The following POPDC1 variants were observed in gnomAD, a reference collection of about 807,000 sequenced individuals.
The protein encoded by POPDC1 is popeye domain cAMP effector 1.
chr6:105,098,267 A>T, the POPDC1 span: 1 of 152,204 alleles, frequency 6.6e-6, no homozygotes, highest in African/African-American at 2.4e-5. Flanking sequence ...TACACTTAAA[A>T]CACTTTTCTG....
chr6:105,121,543 C>T, the POPDC1 span, among the ~76,000 whole-genome samples: 3 of 152,160 alleles, frequency 2.0e-5, no homozygotes, highest in African/African-American at 7.2e-5. Flanking sequence ...GCCGGGATTA[C>T]AGGTGTGGGC....
chr6:105,115,593 G>A, the POPDC1 span: 1 of 1,445,794 alleles, frequency 6.9e-7, no homozygotes. Context: ...ATAGTTACCT[G>A]CAAAGTTATT....
At chr6:105,123,409 G>GTTT in the POPDC1 span, among the ~76,000 whole-genome samples, 2 of 150,850 alleles carry the variant, frequency 1.3e-5, no homozygotes, top group African/African-American at 4.9e-5. Context: ...GTTGTTGTTT[G>GTTT]TTTTTTTTTG....
chr6:105,134,675 A>T, the POPDC1 span, among the ~76,000 whole-genome samples: 1 of 152,206 alleles, frequency 6.6e-6, no homozygotes, highest in South Asian at 2.1e-4. Context: ...TTTTGAAAGG[A>T]TGTTAACAGA....
the POPDC1 span, chr6:105,125,654 T>C: frequency 1.4e-6 from 2 of 1,417,990 alleles, no homozygotes; most frequent in African/African-American, 1.4e-5. Flanking sequence ...GGTCTAAATA[T>C]GGTTTTGATA....
At chr6:105,099,927 C>T in the POPDC1 span, 1 of 152,224 alleles carries the variant, frequency 6.6e-6, no homozygotes, top group Non-Finnish European at 1.5e-5. Context: ...TTTCCCACAC[C>T]AGAGTGTGCA....
chr6:105,126,348 C>T, the POPDC1 span, among the ~76,000 whole-genome samples: 1 of 151,896 alleles, frequency 6.6e-6, no homozygotes, highest in South Asian at 2.1e-4. Flanking sequence ...GGGAGGATTA[C>T]TTGAGCCCAG....
the POPDC1 span, among the ~76,000 whole-genome samples, chr6:105,103,571 A>C: frequency 6.6e-6 from 1 of 152,368 alleles, no homozygotes; most frequent in Non-Finnish European, 1.5e-5. Context: ...CAATGAGACA[A>C]AACTCTCAGA....
chr6:105,131,879 T>C, the POPDC1 span, among the ~76,000 whole-genome samples: 3 of 152,048 alleles, frequency 2.0e-5, no homozygotes, highest in African/African-American at 7.2e-5. Flanking sequence ...ACTGCTGTAA[T>C]CCTCACCTTA....
At chr6:105,116,901 T>C in the POPDC1 span, 1 of 1,587,832 alleles carries the variant, frequency 6.3e-7, no homozygotes. Flanking sequence ...AAGAATAAAG[T>C]ACATCTATGT....
At chr6:105,128,584 AAC>A in the POPDC1 span, among the ~76,000 whole-genome samples, 1 of 152,234 alleles carries the variant, frequency 6.6e-6, no homozygotes, top group Non-Finnish European at 1.5e-5. Context: ...ACAGTAAAAC[AAC>A]ACAGACTGAC....
chr6:105,131,966 CTT>C, the POPDC1 span, among the ~76,000 whole-genome samples: 593 of 136,094 alleles, frequency 4.4e-3, 5 homozygotes, highest in African/African-American at 0.015. Context: ...TCATTTATCA[CTT>C]TTTTTTTTTT....
At chr6:105,131,744 A>G in the POPDC1 span, among the ~76,000 whole-genome samples, 1 of 152,124 alleles carries the variant, frequency 6.6e-6, no homozygotes, top group Non-Finnish European at 1.5e-5. Context: ...TTTACAGAAT[A>G]AAGTGTTAGA....
chr6:105,101,158 T>C, the POPDC1 span: 25 of 1,613,582 alleles, frequency 1.5e-5, no homozygotes, highest in Admixed American at 3.8e-4. Context: ...CATCTTCTGC[T>C]CCTTCTTCTA....
At chr6:105,109,763 C>CAAAAAAAAAAAAAAAAAAAA in the POPDC1 span, among the ~76,000 whole-genome samples, 337 of 22,832 alleles carry the variant, frequency 0.015, 128 homozygotes, top group East Asian at 0.032. Flanking sequence ...GACCCTTTCT[C>CAAAAAAAAAAAAAAAAAAAA]AAAAAAAAAA....
the POPDC1 span, among the ~76,000 whole-genome samples, chr6:105,112,419 A>G: frequency 6.6e-6 from 1 of 152,216 alleles, no homozygotes; most frequent in Non-Finnish European, 1.5e-5. Context: ...GGAACAATGT[A>G]AAAAGGTTTA....
chr6:105,125,448 T>C, the POPDC1 span: 2 of 1,614,094 alleles, frequency 1.2e-6, no homozygotes, highest in African/African-American at 1.3e-5. Context: ...CTCTGCAGCA[T>C]AAGTTTGGCC....
the POPDC1 span, among the ~76,000 whole-genome samples, chr6:105,134,048 A>G: frequency 8.5e-5 from 13 of 152,264 alleles, no homozygotes; most frequent in South Asian, 2.7e-3. Flanking sequence ...TTATTTGAAT[A>G]CTTAAAAAAT....
At chr6:105,117,630 A>G in the POPDC1 span, among the ~76,000 whole-genome samples, 1 of 152,196 alleles carries the variant, frequency 6.6e-6, no homozygotes, top group Non-Finnish European at 1.5e-5. Flanking sequence ...AGTGCCAGGA[A>G]GCCCTTCTTC....
Sources: gnomAD v4.1 joint callset for allele counts (sites outside exome capture counted in the v4.1 genomes callset) on GRCh38, gnomAD v4.1.1 for gene constraint, MANE v1.5 for transcripts, NCBI Gene and HGNC (gene_info 2026-07-23, HGNC 2026-07-21) for gene names.